FAAH2: variants seen among roughly 807,000 people sequenced by gnomAD.
The protein encoded by FAAH2 is fatty-acid amide hydrolase 2.
In FAAH2, 60 loss-of-function variants were observed where a neutral mutation model predicts 36.9. The observed-to-expected ratio is 1.63, with a 90% CI of 1.32 to 2.02. FAAH2 has a LOEUF of 2.02. Among genes scored for constraint, FAAH2 ranks in the 30% most tolerant of loss-of-function variants. The pLI is 0.00. For missense variants in FAAH2, 689 were observed against 397.5 expected, an observed-to-expected ratio of 1.73 and a Z score of -6.23; for synonymous variants, 214 against 143.8, an observed-to-expected ratio of 1.49 and a Z score of -3.49.
chrX:57,389,364 G>A (rs746898813), intron 7 of FAAH2, among the ~76,000 whole-genome samples: 1 of 104,529 alleles, frequency 9.6e-6, no homozygotes, highest in African/African-American at 3.5e-5. Context: ...GACCAATATA[G>A]CTTTATTTCA....
the FAAH2 span, among the ~76,000 whole-genome samples, chrX:57,203,754 C>A: frequency 8.9e-6 from 1 of 112,190 alleles, no homozygotes; most frequent in Non-Finnish European, 1.9e-5. Flanking sequence ...CAGTTCCTGG[C>A]ATTAAGGTCA....
chrX:57,199,384 G>T, the FAAH2 span, among the ~76,000 whole-genome samples: 3 of 110,584 alleles, frequency 2.7e-5, no homozygotes, highest in East Asian at 2.8e-4. Context: ...CTGTGTATTT[G>T]TACAGTATCC....
intron 7 of FAAH2, among the ~76,000 whole-genome samples, chrX:57,407,935 C>T (rs1301828101): frequency 1.8e-5 from 2 of 111,755 alleles, no homozygotes; most frequent in Non-Finnish European, 1.9e-5. Flanking sequence ...ATTCTTGTTA[C>T]TTTTGTCAAA....
At position 57,338,636 on chromosome X, in the gene FAAH2, A is replaced by T. The variant is rs187004802; in HGVS notation, c.623-2635A>T. On this transcript the variant is annotated intron_variant, in intron 4 of 10. Transcript: ENST00000374900. ...ACCAACAACAGGCAAGTAGAGACAA[A>T]TCATGAATGAACTCCAAATCACAAT... Among the ~76,000 whole-genome samples, 27 of 111,565 alleles carry T rather than the reference A, an allele frequency of 2.4e-4. 1 individual carries two copies. In the East Asian group the frequency reaches 7.4e-3, roughly 31 times the overall value.
At chrX:57,296,749 A>C (rs2052175296) in intron 2 of FAAH2, among the ~76,000 whole-genome samples, 1 of 111,771 alleles carries the variant, frequency 8.9e-6, no homozygotes, top group African/African-American at 3.3e-5. Context: ...CAAGGCAGAG[A>C]AGTCCTTAAA....
chrX:57,448,512 A>T lies in FAAH2; in HGVS notation c.1229-12A>T. The T allele has an allele frequency of 8.3e-7, 1 of 1,198,345 alleles. No individual in the cohort carries two copies. The highest frequency in any genetic ancestry group is 3.0e-5 in the East Asian group (1 of 33,611). On this transcript the variant is annotated splice_polypyrimidine_tract_variant and intron_variant, in intron 9 of 10. Coordinates refer to ENST00000374900, the MANE Select transcript of FAAH2 (RefSeq NM_174912.4). Reference sequence around the variant, plus strand: ...TTATTACCTTAACTTGATATATGATATCATTCTGTAGGACTGGCTTTGTTG... The same window carrying T: ...TTATTACCTTAACTTGATATATGATTTCATTCTGTAGGACTGGCTTTGTTG...
chrX:57,318,732 A>G (rs2052922009), intron 3 of FAAH2, among the ~76,000 whole-genome samples: 1 of 112,100 alleles, frequency 8.9e-6, no homozygotes, highest in South Asian at 3.7e-4. Flanking sequence ...AGAAAATTTC[A>G]AGCCAATATC....
At chrX:57,376,512 T>C (rs1238289258) in intron 5 of FAAH2, among the ~76,000 whole-genome samples, 1 of 111,637 alleles carries the variant, frequency 9.0e-6, no homozygotes, top group Non-Finnish European at 1.9e-5. Flanking sequence ...TTGTGATAGC[T>C]CGCTGAGAAT....
chrX:57,201,185 G>A, the FAAH2 span, among the ~76,000 whole-genome samples: 1 of 110,432 alleles, frequency 9.1e-6, no homozygotes. Flanking sequence ...CACTTTGGGA[G>A]GCTGAGGAGT....
At chrX:57,443,894 C>T (rs1227603126) in intron 8 of FAAH2, among the ~76,000 whole-genome samples, 1 of 112,099 alleles carries the variant, frequency 8.9e-6, no homozygotes, top group Admixed American at 9.5e-5. Context: ...ACTCTGTTTG[C>T]CTGGGTATCA....
At chrX:57,172,253 T>G in the FAAH2 span, among the ~76,000 whole-genome samples, 1 of 111,796 alleles carries the variant, frequency 8.9e-6, no homozygotes, top group African/African-American at 3.3e-5. Context: ...TGGTTTCGAA[T>G]AAATTTTAAA....
chrX:57,238,702 G>C, the FAAH2 span, among the ~76,000 whole-genome samples: 2 of 111,687 alleles, frequency 1.8e-5, no homozygotes, highest in Non-Finnish European at 3.8e-5. Flanking sequence ...TTTGTTACCT[G>C]GGCAAATTGC....
At chrX:57,218,410 C>T in the FAAH2 span, among the ~76,000 whole-genome samples, 31 of 111,731 alleles carry the variant, frequency 2.8e-4, no homozygotes, top group Non-Finnish European at 4.3e-4. Context: ...TAATCTAAAG[C>T]GATGCTGGAT....
Position 57,334,472 on chromosome X carries a change from A to T in FAAH2, c.622+2665A>T, listed in dbSNP as rs746746085. On this transcript the variant is annotated intron_variant, in intron 4 of 10. Transcript: ENST00000374900. ...CAAGAAATGTTAAAAGATGTTCTTC[A>T]TAGAGAAAAAAAGAATACAAACCAA... is the stretch of plus-strand genomic sequence containing the variant. Among the ~76,000 whole-genome samples the T allele has an allele frequency of 1.3e-4, 14 of 110,910 alleles. No individual in the cohort carries two copies. The South Asian group carries it at 5.1e-3, about 40-fold the overall frequency.
At chrX:57,301,353 A>G (rs1303494742) in intron 2 of FAAH2, among the ~76,000 whole-genome samples, 6 of 107,978 alleles carry the variant, frequency 5.6e-5, no homozygotes, top group African/African-American at 2.0e-4. Flanking sequence ...TCAGCAAACT[A>G]TCACAAGGAC....
At chrX:57,241,416 G>A in the FAAH2 span, among the ~76,000 whole-genome samples, 1 of 104,768 alleles carries the variant, frequency 9.5e-6, no homozygotes, top group Non-Finnish European at 1.9e-5. Flanking sequence ...CTAATATGAA[G>A]CATCTATAAG....
intron 5 of FAAH2, among the ~76,000 whole-genome samples, chrX:57,354,664 A>G (rs909419506): frequency 1.8e-5 from 2 of 110,931 alleles, no homozygotes; most frequent in African/African-American, 6.5e-5. Context: ...TTTGTTAAGT[A>G]TACATAAAAA....
chrX:57,418,270 G>A (rs1221211647), intron 7 of FAAH2, among the ~76,000 whole-genome samples: 3 of 111,490 alleles, frequency 2.7e-5, no homozygotes, highest in African/African-American at 6.5e-5. Context: ...AGGCGCCACC[G>A]GGCTTTGAGA....
chrX:57,440,405 C>A (rs1299570699), intron 8 of FAAH2, among the ~76,000 whole-genome samples: 1 of 110,844 alleles, frequency 9.0e-6, no homozygotes, highest in Non-Finnish European at 1.9e-5. Flanking sequence ...CTCTGATTGT[C>A]TGTTTTTGGT....
Sources: gnomAD v4.1 joint callset for allele counts (sites outside exome capture counted in the v4.1 genomes callset) on GRCh38, gnomAD v4.1.1 for gene constraint, MANE v1.5 for transcripts, NCBI Gene and HGNC (gene_info 2026-07-23, HGNC 2026-07-21) for gene names.